Variants in NXPE3 observed in about 807,000 individuals in gnomAD.
NXPE3 encodes the protein NXPE family member 3.
Under a neutral mutation model 46.1 loss-of-function variants are expected in NXPE3, and 26 were observed. The observed-to-expected ratio is 0.56, with a 90% CI of 0.41 to 0.78. The LOEUF is 0.78. NXPE3 is among the 30% of genes least tolerant of loss of function. NXPE3 has a pLI of 0.00. For synonymous variants in NXPE3, 272 were observed against 257.9 expected (o/e 1.05, Z -0.52); for missense variants, 620 against 686.0 (o/e 0.90, Z 1.07).
At chr3:101,815,613 T>C (rs1280237506) in intron 6 of NXPE3, among the ~76,000 whole-genome samples, 2 of 151,958 alleles carry the variant, frequency 1.3e-5, no homozygotes, top group African/African-American at 4.8e-5. Context: ...CCTGTAATTC[T>C]AGCACTTTGG....
chr3:101,816,039 C>T (rs1434765233), intron 6 of NXPE3, among the ~76,000 whole-genome samples: 1 of 151,912 alleles, frequency 6.6e-6, no homozygotes, highest in East Asian at 1.9e-4. Context: ...TAATGCGTGC[C>T]TGTAATCCCA....
chr3:101,821,556 G>T lies in NXPE3; in HGVS notation c.1282G>T (p.Glu428Ter), dbSNP rs1464822155. ...CAATGAGCTCCATTATGTGGCGAAT[G>T]AGCTGAATGGCATTGTGGGAGGGAA... ...FSNELHYVAN[E>*]LNGIVGGKNT... The change falls in exon 8 of 8, where the codon GAG becomes TAG. Residue 428 changes from glutamate to a stop codon, truncating the protein, a stop_gained. Coordinates refer to ENST00000273347, the MANE Select transcript of NXPE3 (RefSeq NM_145037.4). LOFTEE classifies it high-confidence loss of function. 2.5e-6 allele frequency: 4 copies of T among 1,614,056 alleles called. No homozygotes were observed. The highest frequency in any genetic ancestry group is 3.4e-6 in the Non-Finnish European group (4 of 1,180,036).
At chr3:101,795,362 A>C (rs1940767303) in intron 4 of NXPE3, among the ~76,000 whole-genome samples, 1 of 152,170 alleles carries the variant, frequency 6.6e-6, no homozygotes, top group South Asian at 2.1e-4. Context: ...TCTACTAAAA[A>C]TACAAAAAAG....
At chr3:101,816,692 C>G in intron 6 of NXPE3, 103 bp from the exon 7 acceptor site, 2 of 848,722 alleles carry the variant, frequency 2.4e-6, no homozygotes, top group East Asian at 5.3e-5. Flanking sequence ...TTCCCACATG[C>G]TATCAGGCTA....
At position 101,821,897 on chromosome 3, in the gene NXPE3, T is replaced by C. The variant is rs757951170; in HGVS notation, c.1623T>C (p.Val541=). The C allele has an allele frequency of 2.5e-6, 4 of 1,614,016 alleles. No individual in the cohort carries two copies. In the Admixed American group the frequency reaches 6.7e-5, roughly 27 times the overall value. The part of the protein sequence containing the change: ...YLPHKLHPDE[V]IVKNQLDMFL... The stretch of plus-strand genomic sequence containing the variant: ...CGCACAAGCTGCATCCAGATGAAGT[T>C]ATTGTGAAGAACCAGCTGGACATGT... Residue 541 remains valine, a synonymous_variant, in exon 8 of 8, where the codon GTT becomes GTC. Coordinates refer to ENST00000273347, the MANE Select transcript of NXPE3 (RefSeq NM_145037.4).
At chr3:101,820,613 C>T (rs1005559240) in intron 7 of NXPE3, among the ~76,000 whole-genome samples, 2 of 152,114 alleles carry the variant, frequency 1.3e-5, no homozygotes, top group South Asian at 2.1e-4. Flanking sequence ...ACAGCAAAGA[C>T]GTGGAATCAA....
At chr3:101,786,606 C>T (rs1043614754) in intron 4 of NXPE3, among the ~76,000 whole-genome samples, 3 of 152,176 alleles carry the variant, frequency 2.0e-5, no homozygotes, top group African/African-American at 7.2e-5. Context: ...TAGAAATAGG[C>T]TTAAGGCATA....
Position 101,785,586 on chromosome 3 carries a change from A to G in NXPE3, c.-11A>G. 6.2e-7 allele frequency: 1 copy of G among 1,613,206 alleles called. No individual in the cohort carries two copies. Among genetic ancestry groups the G allele is most frequent in the Non-Finnish European group, 8.5e-7 (1 of 1,179,246 alleles). ...GGTGTCGGCCATGGGTGAACAAGAC[A>G]CAGCCAGACAATGTGGACCAATTTC... On this transcript the variant is annotated 5_prime_UTR_variant, in exon 4 of 8. Transcript: ENST00000273347.
chr3:101,782,601 A>AT (rs1939889798), intron 2 of NXPE3, 59 bp from the exon 3 acceptor site: 1 of 151,838 alleles, frequency 6.6e-6, no homozygotes, highest in Non-Finnish European at 1.5e-5. Flanking sequence ...CTCATCTTTA[A>AT]TTTTTACTTT....
chr3:101,808,494 A>G (rs575138841), intron 6 of NXPE3, among the ~76,000 whole-genome samples: 64 of 152,198 alleles, frequency 4.2e-4, no homozygotes, highest in Non-Finnish European at 7.1e-4. Flanking sequence ...CTCAAGGGGC[A>G]GCCTCTTTTC....
intron 4 of NXPE3, among the ~76,000 whole-genome samples, chr3:101,795,530 AAGC>A (rs1321587800): frequency 6.6e-6 from 1 of 151,756 alleles, no homozygotes; most frequent in African/African-American, 2.4e-5. Context: ...AAAAAAAAAA[AAGC>A]AGTCCATATT....
At position 101,812,323 on chromosome 3, in the gene NXPE3, G is replaced by T. The variant is rs72937667; in HGVS notation, c.923-4472G>T. Among the ~76,000 whole-genome samples, 43 of 152,054 alleles carry T rather than the reference G, an allele frequency of 2.8e-4. 1 individual carries two copies. In the East Asian group the frequency reaches 8.1e-3, roughly 29 times the overall value. Reference sequence around the variant, plus strand: ...TTTGATACAGAATATCTTTAATTTCGTTAACCGGGAAAATCAAAGGGCCCA... The same window carrying T: ...TTTGATACAGAATATCTTTAATTTCTTTAACCGGGAAAATCAAAGGGCCCA... On this transcript the variant is annotated intron_variant, in intron 6 of 7. Transcript: ENST00000273347.
intron 3 of NXPE3, 27 bp from the exon 4 acceptor site, chr3:101,785,375 A>T (rs781041310): frequency 5.7e-5 from 29 of 507,370 alleles, no homozygotes; most frequent in African/African-American, 5.0e-4. Context: ...GCAATTGGTG[A>T]TGTTCTCTCA....
chr3:101,809,651 A>G (rs1156567211), intron 6 of NXPE3, among the ~76,000 whole-genome samples: 1 of 152,080 alleles, frequency 6.6e-6, no homozygotes, highest in Non-Finnish European at 1.5e-5. Flanking sequence ...ATCAGTGTAG[A>G]CTCATGAAAA....
rs1167335656 is a variant in NXPE3 at position 101,817,008 on chromosome 3, A to G, written c.1129+7A>G. 6.2e-7 allele frequency: 1 copy of G among 1,613,056 alleles called. No individual in the cohort carries two copies. Among genetic ancestry groups the G allele is most frequent in the Non-Finnish European group, 8.5e-7 (1 of 1,179,030 alleles). ...CTTACTACATTTGTTCCAGGTTGGTACTGTGCCTTTTGTTTCGTAACTCTT... is the reference window on the plus strand; with the variant it reads ...CTTACTACATTTGTTCCAGGTTGGTGCTGTGCCTTTTGTTTCGTAACTCTT... On this transcript the variant is annotated splice_region_variant and intron_variant, in intron 7 of 7. Transcript: ENST00000273347.
intron 7 of NXPE3, among the ~76,000 whole-genome samples, chr3:101,820,394 G>A (rs1309854286): frequency 6.6e-6 from 1 of 152,184 alleles, no homozygotes; most frequent in Non-Finnish European, 1.5e-5. Flanking sequence ...TGGCAAGGTT[G>A]CAGAGAAAAG....
chr3:101,788,672 G>A (rs1940330821), intron 4 of NXPE3, among the ~76,000 whole-genome samples: 1 of 152,130 alleles, frequency 6.6e-6, no homozygotes, highest in African/African-American at 2.4e-5. Context: ...TTGGAGTGCA[G>A]TAGCATGATC....
At chr3:101,796,727 TA>T (rs1940849873) in intron 4 of NXPE3, among the ~76,000 whole-genome samples, 1 of 152,242 alleles carries the variant, frequency 6.6e-6, no homozygotes, top group African/African-American at 2.4e-5. Flanking sequence ...TGAAGCCTCC[TA>T]AATGAGATTC....
chr3:101,797,351 G>A (rs1427122540), intron 4 of NXPE3, among the ~76,000 whole-genome samples: 1 of 151,852 alleles, frequency 6.6e-6, no homozygotes, highest in Non-Finnish European at 1.5e-5. Flanking sequence ...CAGACAGCTT[G>A]GCTTCTAATC....
Sources: allele counts gnomAD v4.1 joint callset (sites outside exome capture counted in the v4.1 genomes callset), GRCh38; gene constraint gnomAD v4.1.1; transcripts MANE v1.5; gene names NCBI Gene and HGNC (gene_info 2026-07-23, HGNC 2026-07-21).